The following FLG variants were observed in gnomAD, a reference collection of about 807,000 sequenced individuals.
The protein encoded by FLG is filaggrin, also known as epidermal filaggrin.
In FLG, 6 loss-of-function variants were observed where a neutral mutation model predicts 3.8. That is an observed-to-expected ratio of 1.60 (90% confidence interval 0.87 to 3.15). FLG has a LOEUF of 3.15. Ranked by LOEUF, FLG falls within the 30% of genes most tolerant of loss-of-function variation. The pLI is 0.00. For synonymous variants in FLG, 2,551 were observed against 1,931.6 expected (o/e 1.32, Z -8.41); for missense variants, 7,595 against 5,050.9 (o/e 1.50, Z -15.27).
At chr1:152,317,017 T>G (rs900762944) in intron 1 of FLG, among the ~76,000 whole-genome samples, 1 of 152,102 alleles carries the variant, frequency 6.6e-6, no homozygotes, top group African/African-American at 2.4e-5. Context: ...CTACTACATT[T>G]CTATCCATAT....
chr1:152,310,934 T>C lies in FLG; in HGVS notation c.3952A>G (p.Ser1318Gly), dbSNP rs112272688. The C allele has an allele frequency of 3.8e-4, 607 of 1,613,986 alleles. No homozygotes were observed. In the African/African-American group the frequency reaches 5.7e-3, roughly 15 times the overall value. The change falls in exon 3 of 3, where the codon AGT becomes GGT. Residue 1318 changes from serine (S) to glycine (G), a missense_variant. Ser to Gly is a moderately conservative substitution (Grantham distance 56). Transcript: ENST00000368799. Reference protein sequence around the residue: ...HPGFHQEDRASHGHSADSSRQ... With the variant: ...HPGFHQEDRAGHGHSADSSRQ... ...GAGCTGTCTGCAGAGTGCCCGTGAC[T>C]GGCTCTGTCTTCTTGATGGAACCCA...
At chr1:152,325,051 A>G (rs1653103681) in intron 1 of FLG, 138 bp downstream of exon 1, 1 of 151,864 alleles carries the variant, frequency 6.6e-6, no homozygotes. Context: ...ATAGAAATAA[A>G]CCTTTTAGTG....
rs201317833 is a variant in FLG, at chr1:152,308,570, G to T, written c.6316C>A (p.Gln2106Lys). The T allele has an allele frequency of 1.9e-6, 3 of 1,614,080 alleles. No individual in the cohort carries two copies. In the South Asian group the frequency reaches 3.3e-5, roughly 18 times the overall value. Residue 2106 changes from glutamine to lysine, a missense_variant, in exon 3 of 3, where the codon CAG becomes AAG. Physicochemically the swap from Gln to Lys is moderately conservative, Grantham distance 53. Transcript: ENST00000368799. ...THEQSESTHG[Q>K]SAPSTGGRQG... Reference sequence around the variant, plus strand: ...CTTCCTCCAGTGCTGGGCGCAGACTGTCCATGGGTGGACTCAGACTGTTCA... The same window carrying T: ...CTTCCTCCAGTGCTGGGCGCAGACTTTCCATGGGTGGACTCAGACTGTTCA...
In FLG at chr1:152,311,365, C is replaced by G. The variant is rs1488776869; in HGVS notation, c.3521G>C (p.Gly1174Ala). ...CTCATGGTGGGATCCCTGCCTTCCT[C>G]CTCTCCTTGACCCCGGGTGTGCACG... ...TIRAHPGSRRGGRQGSHHEQS... is the reference protein window; with the variant it reads ...TIRAHPGSRRAGRQGSHHEQS... Residue 1174 changes from glycine to alanine, a missense_variant, in exon 3 of 3, where the codon GGA (glycine) becomes GCA (alanine). Gly to Ala is a moderately conservative substitution (Grantham distance 60). Transcript: ENST00000368799. 8.7e-6 allele frequency: 14 copies of G among 1,613,540 alleles called. No homozygotes were observed. The highest frequency in any genetic ancestry group is 2.2e-5 in the East Asian group (1 of 44,822).
rs12733038 is a variant in FLG at position 152,304,372 on chromosome 1, T to C, written c.10514A>G (p.His3505Arg). ...CGCCTGAGTGGAAGCTTCATGGTGA[T>C]GCGACCATGAGTGCCTGGAGCCATC... is the stretch of plus-strand genomic sequence containing the variant. Reference protein sequence around the residue: ...SGDGSRHSWSHHHEASTQADS... With the variant: ...SGDGSRHSWSRHHEASTQADS... Residue 3505 changes from histidine to arginine, a missense_variant, in exon 3 of 3, where the codon CAT becomes CGT. By Grantham distance (29) the His-to-Arg change is conservative. Coordinates refer to ENST00000368799, the MANE Select transcript of FLG (RefSeq NM_002016.2). 284 of 1,611,578 alleles carry C rather than the reference T, an allele frequency of 1.8e-4. 3 individuals are homozygous for C. The African/African-American group carries it at 3.1e-3, about 17-fold the overall frequency.
In FLG at chr1:152,307,252, C is replaced by A. The variant is rs145899257; in HGVS notation, c.7634G>T (p.Gly2545Val). The A allele has an allele frequency of 5.7e-4, 917 of 1,612,832 alleles. 1 individual carries two copies. The highest frequency in any genetic ancestry group is 7.2e-4 in the Non-Finnish European group (853 of 1,180,000). ...HEASSRADSS[G>V]HSQVGQGQSE... ...TTGTCCCTGGCCCACCTGCGAGTGT[C>A]CAGAGCTGTCGGCCCGAGAGGAAGC... The change falls in exon 3 of 3, where the codon GGA becomes GTA. Residue 2545 changes from glycine to valine, a missense_variant. Physicochemically the swap from Gly to Val is moderately radical, Grantham distance 109. Transcript: ENST00000368799.
Position 152,313,875 on chromosome 1 carries a change from C to T in FLG, c.1011G>A (p.Arg337=), listed in dbSNP as rs770690445. 1 of 1,613,954 alleles carries T rather than the reference C, an allele frequency of 6.2e-7. No individual in the cohort carries two copies. The highest frequency in any genetic ancestry group is 1.1e-5 in the South Asian group (1 of 91,050). The change falls in exon 3 of 3, where the codon AGG becomes AGA. Residue 337 remains arginine (R), a synonymous_variant. Transcript: ENST00000368799. ...EQSRDGSRHP[R]SHDEDRASHG... ...GACTGGCTCTGTCTTCATCATGGGA[C>T]CTGGGGTGTCTGGAGCCATCTCTTG...
In FLG at chr1:152,309,203, A is replaced by C; in HGVS notation, c.5683T>G (p.Ser1895Ala). Residue 1895 changes from serine to alanine, a missense_variant, in exon 3 of 3, where the codon TCT becomes GCT. Coordinates refer to ENST00000368799, the MANE Select transcript of FLG (RefSeq NM_002016.2). Reference sequence around the variant, plus strand: ...CCCTGGCCCACCTGCGAGTGTCTAGAGCTGTCGGCCCGAGAGGAAGCTTCA... The same window carrying C: ...CCCTGGCCCACCTGCGAGTGTCTAGCGCTGTCGGCCCGAGAGGAAGCTTCA... ...HHEASSRADSSRHSQVGQGQS... is the reference protein window; with the variant it reads ...HHEASSRADSARHSQVGQGQS... 6.2e-7 allele frequency: 1 copy of C among 1,613,214 alleles called. No homozygotes were observed. The highest frequency in any genetic ancestry group is 2.2e-5 in the East Asian group (1 of 44,736).
Position 152,308,012 on chromosome 1 carries a change from G to T in FLG, c.6874C>A (p.His2292Asn), listed in dbSNP as rs1042493223. The T allele has an allele frequency of 6.2e-7, 1 of 1,614,198 alleles. No homozygotes were observed. Among genetic ancestry groups the T allele is most frequent in the South Asian group, 1.1e-5 (1 of 91,082 alleles). Residue 2292 changes from histidine (H) to asparagine (N), a missense_variant, in exon 3 of 3, where the codon CAT (histidine) becomes AAT (asparagine). By Grantham distance (68) the His-to-Asn change is moderately conservative (BLOSUM62 1). Transcript: ENST00000368799. ...PRSHHEDRAG[H>N]GHSAESSRQS... is the part of the protein sequence containing the mutation. ...CTGGAGCTCTCTGCAGAGTGCCCAT[G>T]ACCGGCTCTGTCTTCGTGATGGGAC...
chr1:152,311,355 C>T lies in FLG; in HGVS notation c.3531G>A (p.Gln1177=). 2 of 1,613,728 alleles carry T rather than the reference C, an allele frequency of 1.2e-6. No homozygotes were observed. Among genetic ancestry groups the T allele is most frequent in the South Asian group, 2.2e-5 (2 of 91,066 alleles). The change falls in exon 3 of 3, where the codon CAG becomes CAA. Residue 1177 remains glutamine, a synonymous_variant. Coordinates refer to ENST00000368799, the MANE Select transcript of FLG (RefSeq NM_002016.2). The part of the protein sequence containing the change: ...AHPGSRRGGR[Q]GSHHEQSVDR... ...CTACCGATTGCTCATGGTGGGATCC[C>T]TGCCTTCCTCCTCTCCTTGACCCCG...
Position 152,307,585 on chromosome 1 carries a change from C to T in FLG, c.7301G>A (p.Ser2434Asn). Residue 2434 changes from serine (S) to asparagine (N), a missense_variant, in exon 3 of 3, where the codon AGC (serine) becomes AAC (asparagine). Coordinates refer to ENST00000368799, the MANE Select transcript of FLG (RefSeq NM_002016.2). Reference sequence around the variant, plus strand: ...GTGGGATCCTTGTCTTCCTCCAGTGCTGGTCCCGGTCCGTCCATGGGCGGA... The same window carrying T: ...GTGGGATCCTTGTCTTCCTCCAGTGTTGGTCCCGGTCCGTCCATGGGCGGA... The part of the protein sequence containing the change: ...SESAHGRTGT[S>N]TGGRQGSHHK... The T allele has an allele frequency of 6.2e-7, 1 of 1,613,850 alleles. No individual in the cohort carries two copies. The highest frequency in any genetic ancestry group is 8.5e-7 in the Non-Finnish European group (1 of 1,179,954).
chr1:152,303,063 G>C lies in FLG; in HGVS notation c.11823C>G (p.His3941Gln). Residue 3941 changes from histidine (H) to glutamine (Q), a missense_variant, in exon 3 of 3, where the codon CAC becomes CAG. By Grantham distance (24) the His-to-Gln change is conservative. Coordinates refer to ENST00000368799, the MANE Select transcript of FLG (RefSeq NM_002016.2). ...GACTGCCACGTGACTGTATTCCTGA[G>C]TGATACGCAGAATCTTGTGAAAGAC... ...FSSLSQDSAY[H>Q]SGIQSRGSPH... 6.2e-7 allele frequency: 1 copy of C among 1,614,174 alleles called. No homozygotes were observed.
At position 152,314,105 on chromosome 1, in the gene FLG, T is replaced by C. The variant is rs753078948; in HGVS notation, c.781A>G (p.Arg261Gly). Residue 261 changes from arginine to glycine, a missense_variant, in exon 3 of 3, where the codon AGG becomes GGG. By Grantham distance (125) the Arg-to-Gly change is moderately radical. Coordinates refer to ENST00000368799, the MANE Select transcript of FLG (RefSeq NM_002016.2). ...LEENKIYERSRSSDGKSSSQV... is the reference protein window; with the variant it reads ...LEENKIYERSGSSDGKSSSQV... ...GATGATGATTTGCCATCAGATGACC[T>C]TGATCTTTCATATATTTTGTTTTCT... 6 of 1,614,080 alleles carry C rather than the reference T, an allele frequency of 3.7e-6. No homozygotes were observed. In the South Asian group the frequency reaches 6.6e-5, roughly 18 times the overall value.
chr1:152,302,800 G>A lies in FLG; in HGVS notation c.12086C>T (p.Ala4029Val), dbSNP rs150330138. ...AFGKDHPRYYATYINKDPGLC... is the reference protein window; with the variant it reads ...AFGKDHPRYYVTYINKDPGLC... Reference sequence around the variant, plus strand: ...ACCTGGGTCCTTATTAATATACGTTGCATAATACCTTGGATGATCTTTACC... The same window carrying A: ...ACCTGGGTCCTTATTAATATACGTTACATAATACCTTGGATGATCTTTACC... Residue 4029 changes from alanine to valine, a missense_variant, in exon 3 of 3, where the codon GCA becomes GTA. Coordinates refer to ENST00000368799, the MANE Select transcript of FLG (RefSeq NM_002016.2). 1.7e-4 allele frequency: 267 copies of A among 1,613,994 alleles called. No individual in the cohort carries two copies. Among genetic ancestry groups the A allele is most frequent in the Non-Finnish European group, 2.2e-4 (254 of 1,180,030 alleles).
In FLG at chr1:152,304,330, G is replaced by C. The variant is rs757746919; in HGVS notation, c.10556C>G (p.Ser3519Ter). The C allele has an allele frequency of 1.9e-6, 3 of 1,611,714 alleles. No individual in the cohort carries two copies. Among genetic ancestry groups the C allele is most frequent in the South Asian group, 1.1e-5 (1 of 90,498 alleles). ...CGCTGATTGTCCCTGGCCGGACTGT[G>C]AGTGTCTAGAGCTGTCCGCCTGAGT... ...ASTQADSSRHSQSGQGQSAGP... is the reference protein window; with the variant it reads ...ASTQADSSRH Residue 3519 changes from serine to a stop codon, truncating the protein, a stop_gained, in exon 3 of 3, where the codon TCA (serine) becomes TGA (stop). Transcript: ENST00000368799. LOFTEE classifies it low-confidence loss of function (END_TRUNC).
chr1:152,311,728 T>A lies in FLG; in HGVS notation c.3158A>T (p.Gln1053Leu), dbSNP rs763323352. ...SSRHSGIPRR[Q>L]ASSAVRDSGH... is the part of the protein sequence containing the mutation. The stretch of plus-strand genomic sequence containing the variant: ...ACTGTCTCTGACTGCAGATGAAGCT[T>A]GTCTGCGCGGAATGCCTGAGTGTCT... The change falls in exon 3 of 3, where the codon CAA becomes CTA. Residue 1053 changes from glutamine (Q) to leucine (L), a missense_variant. Coordinates refer to ENST00000368799, the MANE Select transcript of FLG (RefSeq NM_002016.2). The A allele has an allele frequency of 1.9e-6, 3 of 1,614,056 alleles. No individual in the cohort carries two copies. In the East Asian group the frequency reaches 6.7e-5, roughly 36 times the overall value.
Position 152,312,981 on chromosome 1 carries a change from C to G in FLG, c.1905G>C (p.Glu635Asp). 1 of 1,614,004 alleles carries G rather than the reference C, an allele frequency of 6.2e-7. No homozygotes were observed. The highest frequency in any genetic ancestry group is 8.5e-7 in the Non-Finnish European group (1 of 1,180,012). ...SDSQGHSEDS[E>D]RWSGSASRNH... is the part of the protein sequence containing the mutation. ...TTCTGGAAGCAGACCCAGACCACCTCTCAGAGTCTTCTGAGTGTCCCTGAC... is the reference window on the plus strand; with the variant it reads ...TTCTGGAAGCAGACCCAGACCACCTGTCAGAGTCTTCTGAGTGTCCCTGAC... Residue 635 changes from glutamate to aspartate, a missense_variant, in exon 3 of 3, where the codon GAG becomes GAC. Physicochemically the swap from Glu to Asp is conservative, Grantham distance 45 (BLOSUM62 2). Transcript: ENST00000368799.
chr1:152,303,834 C>T lies in FLG; in HGVS notation c.11052G>A (p.Gln3684=), dbSNP rs780768026. The T allele has an allele frequency of 8.7e-5, 140 of 1,613,328 alleles. No individual in the cohort carries two copies. Among genetic ancestry groups the T allele is most frequent in the Non-Finnish European group, 1.1e-4 (134 of 1,179,916 alleles). Residue 3684 remains glutamine (Q), a synonymous_variant, in exon 3 of 3, where the codon CAG becomes CAA. Coordinates refer to ENST00000368799, the MANE Select transcript of FLG (RefSeq NM_002016.2). The part of the protein sequence containing the change: ...SDTQSVSAHG[Q]AGPHQQSHQE... ...GGTGGCTCTGCTGATGGGGCCCAGC[C>T]TGTCCGTGGGCTGACACTGACTGTG...
rs1292415591 is a variant in FLG, at chr1:152,311,131, A to G, written c.3755T>C (p.Val1252Ala). The stretch of plus-strand genomic sequence containing the variant: ...GGACCCCGATGATTGTTCCTGTCCC[A>G]CCTGTGAGTGTCTAGAGCTGTCAGC... ...SWADSSRHSQVGQEQSSGSRT... is the reference protein window; with the variant it reads ...SWADSSRHSQAGQEQSSGSRT... Residue 1252 changes from valine to alanine, a missense_variant, in exon 3 of 3, where the codon GTG becomes GCG. By Grantham distance (64) the Val-to-Ala change is moderately conservative (BLOSUM62 0). Transcript: ENST00000368799. The G allele has an allele frequency of 1.1e-5, 17 of 1,613,044 alleles. No homozygotes were observed. The highest frequency in any genetic ancestry group is 1.7e-5 in the Admixed American group (1 of 59,894).
Sources: gnomAD v4.1 joint callset for allele counts (sites outside exome capture counted in the v4.1 genomes callset) on GRCh38, gnomAD v4.1.1 for gene constraint, MANE v1.5 for transcripts, NCBI Gene and HGNC (gene_info 2026-07-23, HGNC 2026-07-21) for gene names.